Variants in RASAL3 observed in about 807,000 individuals in gnomAD.
RASAL3 encodes the protein RAS protein activator like-3.
In RASAL3, 74 loss-of-function variants were observed where a neutral mutation model predicts 105.5. That is an observed-to-expected ratio of 0.70 (90% CI 0.58 to 0.85). RASAL3 has a LOEUF of 0.85. Ranked by LOEUF, RASAL3 falls within the 40% of genes least tolerant of loss-of-function variation. The pLI is 0.00. For missense variants in RASAL3, 1,352 were observed against 1,392.0 expected (o/e 0.97, Z 0.46); for synonymous variants, 579 against 591.6 (o/e 0.98, Z 0.31).
At position 15,458,663 on chromosome 19, in the gene RASAL3, G is replaced by T. The variant is rs767409203; in HGVS notation, c.663-8C>A. 1.2e-5 allele frequency: 20 copies of T among 1,611,598 alleles called. No individual in the cohort carries two copies. The highest frequency in any genetic ancestry group is 8.5e-7 in the Non-Finnish European group (1 of 1,179,106). ...CCCAGAGCACTGGGGGGTCTGGGAA[G>T]GGGGTGGGTGAGCACACCGTCATTC... On this transcript the variant is annotated splice_polypyrimidine_tract_variant and splice_region_variant and intron_variant, in intron 6 of 17. Coordinates refer to ENST00000343625, the MANE Select transcript of RASAL3 (RefSeq NM_022904.3).
chr19:15,458,474 C>T, intron 7 of RASAL3, 48 bp from the exon 8 acceptor site: 3 of 1,613,520 alleles, frequency 1.9e-6, no homozygotes, highest in Non-Finnish European at 2.5e-6. Context: ...AAGGGTGAAG[C>T]CAAAGGGTGG....
chr19:15,461,726 C>A lies in RASAL3; in HGVS notation c.329-119G>T, dbSNP rs952308863. On this transcript the variant is annotated intron_variant, in intron 2 of 17. Transcript: ENST00000343625. ...CCTAGGTGCCCCCCACCCCAGCAGC[C>A]GTATCAGACTGTATGACCTTGGGCA... 13 of 1,368,514 alleles carry A rather than the reference C, an allele frequency of 9.5e-6. No individual in the cohort carries two copies. The African/African-American group carries it at 1.8e-4, about 19-fold the overall frequency. The allele number at this position is 1,368,514 out of a possible 1,614,324, so 84.8% of individuals were successfully genotyped here. A position where few individuals can be genotyped will look rare whatever the true frequency, so the allele number is the denominator to read the frequency against.
At chr19:15,460,530 G>C (rs1970475808) in intron 5 of RASAL3, among the ~76,000 whole-genome samples, 1 of 152,070 alleles carries the variant, frequency 6.6e-6, no homozygotes, top group African/African-American at 2.4e-5. Context: ...TGATCCTCTT[G>C]CCTCAGCTGG....
At position 15,457,026 on chromosome 19, in the gene RASAL3, C is replaced by G. The variant is rs561040326; in HGVS notation, c.1431+266G>C. 2.3e-6 allele frequency: 1 copy of G among 427,064 alleles called. No homozygotes were observed. The highest frequency in any genetic ancestry group is 4.1e-5 in the South Asian group (1 of 24,398). The allele number at this position is 427,064 out of a possible 1,614,324, so 26.5% of individuals were successfully genotyped here. On this transcript the variant is annotated intron_variant, in intron 9 of 17. Coordinates refer to ENST00000343625, the MANE Select transcript of RASAL3 (RefSeq NM_022904.3). This position sits in a 1 kb window ranked among gnomAD's most constrained non-coding sequence, Gnocchi z 8.6. ...CCGCCCCTTACAGGTGCAGCTCAGC[C>G]CCAGCCCCTCACAGCTGACGCTCAG...
Position 15,453,515 on chromosome 19 carries a change from G to A in RASAL3, c.2280-18C>T. On this transcript the variant is annotated intron_variant, in intron 14 of 17. Transcript: ENST00000343625. This position sits in a 1 kb window ranked among gnomAD's most constrained non-coding sequence, Gnocchi z 4.2. Reference sequence around the variant, plus strand: ...CGGAGAGGCTAGGGGTGGGATGGAGGATCTTAGACCCTCCACTGGCCCCTG... The same window carrying A: ...CGGAGAGGCTAGGGGTGGGATGGAGAATCTTAGACCCTCCACTGGCCCCTG... 6.7e-7 allele frequency: 1 copy of A among 1,498,292 alleles called. No individual in the cohort carries two copies. The highest frequency in any genetic ancestry group is 8.8e-7 in the Non-Finnish European group (1 of 1,133,114). The allele number at this position is 1,498,292 out of a possible 1,614,324, so 92.8% of individuals were successfully genotyped here.
intron 5 of RASAL3, among the ~76,000 whole-genome samples, chr19:15,460,515 TC>T (rs1209022236): frequency 1.3e-5 from 2 of 152,088 alleles, no homozygotes; most frequent in African/African-American, 4.8e-5. Context: ...ATTTCTGGGC[TC>T]AAGTGATCCT....
At position 15,453,465 on chromosome 19, in the gene RASAL3, G is replaced by A. The variant is rs747145692; in HGVS notation, c.2312C>T (p.Ala771Val). The change falls in exon 15 of 18, where the codon GCC (alanine) becomes GTC (valine). Residue 771 changes from alanine (A) to valine (V), a missense_variant. By Grantham distance (64) the Ala-to-Val change is moderately conservative. Around this residue, in one of 3 missense-constraint regions of RASAL3, gnomAD observed 920 missense variants for 919.6 expected, o/e 1.00. Coordinates refer to ENST00000343625, the MANE Select transcript of RASAL3 (RefSeq NM_022904.3). This position sits in a 1 kb window ranked among gnomAD's most constrained non-coding sequence, Gnocchi z 4.2. ...LSAGEKPGFL[A>V]PRDLPKHTPL... is the part of the protein sequence containing the mutation. ...GGTGTGCTTGGGGAGGTCCCGGGGG[G>A]CCAGGAAGCCGGGCTTCTCCCCTGC... 3 of 1,541,536 alleles carry A rather than the reference G, an allele frequency of 1.9e-6. No individual in the cohort carries two copies. Among genetic ancestry groups the A allele is most frequent in the East Asian group, 5.1e-5 (2 of 38,962 alleles).
chr19:15,461,445 C>T, intron 3 of RASAL3, 26 bp downstream of exon 3: 2 of 1,544,034 alleles, frequency 1.3e-6, no homozygotes, highest in Admixed American at 2.0e-5. Context: ...CTTCCCTCCT[C>T]CCCTTTCCCA....
At position 15,464,065 on chromosome 19, in the gene RASAL3, C is replaced by A; in HGVS notation, c.294G>T (p.Pro98=). 3.2e-6 allele frequency: 5 copies of A among 1,585,976 alleles called. No homozygotes were observed. The highest frequency in any genetic ancestry group is 4.3e-6 in the Non-Finnish European group (5 of 1,163,066). Residue 98 remains proline (P), a synonymous_variant, in exon 2 of 18, where the codon CCG becomes CCT. Coordinates refer to ENST00000343625, the MANE Select transcript of RASAL3 (RefSeq NM_022904.3). The part of the protein sequence containing the change: ...ALWGRHKNPP[P]EPDPEPEQEA... ...CCTGCTCCGGCTCCGGGTCTGGCTC[C>A]GGCGGTGGGTTCTTATGCCTCCCCC...
chr19:15,464,436 C>T (rs979144464), intron 1 of RASAL3, 59 bp from the exon 2 acceptor site: 2 of 1,378,148 alleles, frequency 1.5e-6, no homozygotes, highest in Non-Finnish European at 2.0e-6. Flanking sequence ...GCCCTCATCT[C>T]GGCCCCCTCC....
At chr19:15,463,988 G>A (rs752499002) in intron 2 of RASAL3, 43 bp downstream of exon 2, 1 of 1,495,356 alleles carries the variant, frequency 6.7e-7, no homozygotes, top group South Asian at 1.4e-5. Context: ...CAAGCATCCG[G>A]CTTCCCAGCC....
intron 1 of RASAL3, 63 bp downstream of exon 1, chr19:15,464,442 C>A: frequency 7.6e-7 from 1 of 1,313,244 alleles, no homozygotes; most frequent in South Asian, 1.3e-5. Context: ...ATCTCGGCCC[C>A]CTCCCCACCC....
At position 15,452,750 on chromosome 19, in the gene RASAL3, CACG is replaced by C; in HGVS notation, c.2733_2735del (p.Val912del). 6.4e-7 allele frequency: 1 copy of C among 1,561,354 alleles called. No individual in the cohort carries two copies. The highest frequency in any genetic ancestry group is 8.7e-7 in the Non-Finnish European group (1 of 1,152,460). On this transcript the variant is annotated inframe_deletion, in exon 16 of 18. Transcript: ENST00000343625. ...CCCGGATTTGGGTGCTCAGCGACTC[CACG>C]AGGCGGGACAGCACTTTCTGCTCCT...
At chr19:15,459,871 A>C (rs953761451) in intron 6 of RASAL3, among the ~76,000 whole-genome samples, 1 of 151,652 alleles carries the variant, frequency 6.6e-6, no homozygotes, top group African/African-American at 2.4e-5. Context: ...TGGCCTTTGC[A>C]CTTGTTGTTC....
intron 2 of RASAL3, among the ~76,000 whole-genome samples, chr19:15,462,128 A>G (rs1203960443): frequency 6.6e-6 from 1 of 151,960 alleles, no homozygotes; most frequent in Non-Finnish European, 1.5e-5. Context: ...GAGGTGGGGC[A>G]GATTGCTTGA....
rs760186456 is a variant in RASAL3 at position 15,457,721 on chromosome 19, G to T, written c.1002C>A (p.Gly334=). The T allele has an allele frequency of 4.5e-4, 688 of 1,519,100 alleles. No homozygotes were observed. The highest frequency in any genetic ancestry group is 5.1e-4 in the Non-Finnish European group (583 of 1,134,326). The allele number at this position is 1,519,100 out of a possible 1,614,324, so 94.1% of individuals were successfully genotyped here. Residue 334 remains glycine (G), a synonymous_variant, in exon 9 of 18, where the codon GGC becomes GGA. Transcript: ENST00000343625. The surrounding 1 kb of genome is among the most constrained non-coding windows in gnomAD (Gnocchi z 8.6). Reference sequence around the variant, plus strand: ...GAGGCGCCGTGCGTGCCAGCAGCGCGCCATCCAGCCACAGCTCGGCGCGCA... The same window carrying T: ...GAGGCGCCGTGCGTGCCAGCAGCGCTCCATCCAGCCACAGCTCGGCGCGCA... The part of the protein sequence containing the change: ...PGVRAELWLD[G]ALLARTAPRA...
In RASAL3 at chr19:15,451,851, A is replaced by C. The variant is rs1480734593; in HGVS notation, c.2980T>G (p.Ser994Ala). The C allele has an allele frequency of 6.2e-7, 1 of 1,607,600 alleles. No individual in the cohort carries two copies. The highest frequency in any genetic ancestry group is 2.2e-5 in the East Asian group (1 of 44,652). The change falls in exon 18 of 18, where the codon TCT (serine) becomes GCT (alanine). Residue 994 changes from serine to alanine, a missense_variant. Transcript: ENST00000343625. ...SLQLSPRTRG[S>A]WSQPQPLKAP... Reference sequence around the variant, plus strand: ...TTGAGGGGCTGGGGTTGACTCCAAGACCCCCGCGTCCTTGGAGAAAGCTGC... The same window carrying C: ...TTGAGGGGCTGGGGTTGACTCCAAGCCCCCCGCGTCCTTGGAGAAAGCTGC...
At position 15,457,896 on chromosome 19, in the gene RASAL3, C is replaced by A; in HGVS notation, c.889-62G>T. 3 of 1,526,930 alleles carry A rather than the reference C, an allele frequency of 2.0e-6. No homozygotes were observed. Among genetic ancestry groups the A allele is most frequent in the Middle Eastern group, 2.3e-4 (1 of 4,294 alleles). 94.6% of individuals were successfully genotyped at this position (1,526,930 alleles called of 1,614,324 possible). On this transcript the variant is annotated intron_variant, in intron 8 of 17. Transcript: ENST00000343625. This position sits in a 1 kb window ranked among gnomAD's most constrained non-coding sequence, Gnocchi z 8.6. ...TTTGTTGGCACCCCAAAGAAGGCAC[C>A]GCAAGTGAAGCGTGGAGCCTCAAAC...
chr19:15,457,152 C>G lies in RASAL3; in HGVS notation c.1431+140G>C. 1 of 740,698 alleles carries G rather than the reference C, an allele frequency of 1.4e-6. No homozygotes were observed. The highest frequency in any genetic ancestry group is 1.9e-6 in the Non-Finnish European group (1 of 534,322). 45.9% of individuals were successfully genotyped at this position (740,698 alleles called of 1,614,324 possible). On this transcript the variant is annotated intron_variant, in intron 9 of 17. Coordinates refer to ENST00000343625, the MANE Select transcript of RASAL3 (RefSeq NM_022904.3). The surrounding 1 kb of genome is among the most constrained non-coding windows in gnomAD (Gnocchi z 8.6). ...GGTGCCCCGCCGCTTACAGGTGACA[C>G]TTGGACCACGCCCCTCACACCCCTT... is the stretch of plus-strand genomic sequence containing the variant.
Sources: allele counts gnomAD v4.1 joint callset (sites outside exome capture counted in the v4.1 genomes callset), GRCh38; gene constraint gnomAD v4.1.1; regional missense constraint gnomAD v4.1.1; non-coding constraint Gnocchi (gnomAD v3.1); transcripts MANE v1.5; gene names NCBI Gene and HGNC (gene_info 2026-07-23, HGNC 2026-07-21).